The following GSTCD variants were observed in gnomAD, a reference collection of about 807,000 sequenced individuals.
GSTCD encodes the protein glutathione S-transferase C-terminal domain containing.
GSTCD carries 44 observed loss-of-function variants against 68.3 expected under a neutral mutation model. The observed-to-expected ratio is 0.64, with a 90% CI of 0.51 to 0.83. The LOEUF is 0.83. Among genes scored for constraint, GSTCD ranks in the 40% least tolerant of loss-of-function variants. GSTCD has a pLI of 0.00. For synonymous variants in GSTCD, 273 were observed against 255.2 expected, an observed-to-expected ratio of 1.07 and a Z score of -0.67; for missense variants, 739 against 735.9, an observed-to-expected ratio of 1.00 and a Z score of -0.05.
intron 5 of GSTCD, among the ~76,000 whole-genome samples, chr4:105,796,275 A>T (rs774697211): frequency 3.3e-5 from 5 of 152,210 alleles, no homozygotes. Flanking sequence ...TTTATTCACC[A>T]TTGTGAGAAC....
intron 7 of GSTCD, among the ~76,000 whole-genome samples, chr4:105,824,040 T>TG (rs1211536148): frequency 6.6e-6 from 1 of 152,180 alleles, no homozygotes; most frequent in Non-Finnish European, 1.5e-5. Context: ...ATTCTGTTTG[T>TG]TTTTGTTTTG....
intron 5 of GSTCD, among the ~76,000 whole-genome samples, chr4:105,763,182 GTC>G (rs1386619419): frequency 6.6e-6 from 1 of 152,086 alleles, no homozygotes; most frequent in East Asian, 1.9e-4. Context: ...CTAGAAATTT[GTC>G]TGTTATGAAC....
intron 5 of GSTCD, among the ~76,000 whole-genome samples, chr4:105,767,057 T>C (rs1560819071): frequency 1.3e-5 from 2 of 151,966 alleles, no homozygotes; most frequent in Non-Finnish European, 2.9e-5. Flanking sequence ...GAACAGAATA[T>C]GTTGAGAGTG....
intron 5 of GSTCD, among the ~76,000 whole-genome samples, chr4:105,745,692 G>C (rs1733776079): frequency 6.6e-6 from 1 of 152,130 alleles, no homozygotes; most frequent in South Asian, 2.1e-4. Context: ...GGCCCTCTCT[G>C]TTCTCCAGTA....
intron 5 of GSTCD, among the ~76,000 whole-genome samples, chr4:105,742,385 T>G (rs1733658546): frequency 6.6e-6 from 1 of 152,210 alleles, no homozygotes; most frequent in East Asian, 1.9e-4. Context: ...TACTTGTCTT[T>G]TAAGGATCAA....
chr4:105,747,170 A>G (rs1267662376), intron 5 of GSTCD, among the ~76,000 whole-genome samples: 8 of 152,252 alleles, frequency 5.3e-5, no homozygotes, highest in Non-Finnish European at 2.9e-5. Flanking sequence ...AGGGATGCTA[A>G]AAGTTCACCA....
chr4:105,800,785 C>T (rs1034741106), intron 5 of GSTCD, among the ~76,000 whole-genome samples: 2 of 152,152 alleles, frequency 1.3e-5, no homozygotes, highest in Non-Finnish European at 2.9e-5. Context: ...TACTGAACCA[C>T]TGCTCCTGGG....
chr4:105,837,480 T>C (rs1035932562), intron 9 of GSTCD, among the ~76,000 whole-genome samples: 12 of 152,178 alleles, frequency 7.9e-5, no homozygotes, highest in Non-Finnish European at 1.5e-5. Context: ...CCCCCTCTTC[T>C]TGGGGAACTG....
At chr4:105,734,260 T>C (rs936983712) in intron 5 of GSTCD, among the ~76,000 whole-genome samples, 1 of 152,234 alleles carries the variant, frequency 6.6e-6, no homozygotes, top group Non-Finnish European at 1.5e-5. Flanking sequence ...GAAGTTCTCC[T>C]GGATAATATC....
intron 5 of GSTCD, among the ~76,000 whole-genome samples, chr4:105,813,512 A>C (rs774501385): frequency 6.6e-6 from 1 of 152,240 alleles, no homozygotes. Context: ...ATGTGTTTAC[A>C]CTTGAGACCC....
At chr4:105,753,009 A>G (rs1363027305) in intron 5 of GSTCD, among the ~76,000 whole-genome samples, 1 of 152,062 alleles carries the variant, frequency 6.6e-6, no homozygotes, top group Non-Finnish European at 1.5e-5. Flanking sequence ...CTATATTTCT[A>G]GCAGCATCTG....
At chr4:105,717,507 G>C in intron 1 of GSTCD, 86 bp from the exon 2 acceptor site, 1 of 871,012 alleles carries the variant, frequency 1.1e-6, no homozygotes, top group Non-Finnish European at 1.7e-6. Flanking sequence ...CTGATTTCTA[G>C]AACAGGCTTT....
chr4:105,834,413 T>A, intron 8 of GSTCD, 48 bp from the exon 9 acceptor site: 1 of 1,588,876 alleles, frequency 6.3e-7, no homozygotes, highest in Non-Finnish European at 8.6e-7. Flanking sequence ...AAAATTGCAC[T>A]GTGAGTTAAG....
At chr4:105,810,859 A>C (rs1045097858) in intron 5 of GSTCD, among the ~76,000 whole-genome samples, 1 of 152,092 alleles carries the variant, frequency 6.6e-6, no homozygotes, top group Admixed American at 6.6e-5. Context: ...ATTTTAAGTA[A>C]TTTCTGGAGG....
chr4:105,829,203 A>G (rs1298088772), intron 8 of GSTCD, among the ~76,000 whole-genome samples: 5 of 151,718 alleles, frequency 3.3e-5, no homozygotes, highest in East Asian at 1.9e-4. Flanking sequence ...AAAAAAAAAA[A>G]AAAAGAAAGG....
At chr4:105,804,762 G>GCATCAATTAGCTATTTTTC (rs1722402855) in intron 5 of GSTCD, among the ~76,000 whole-genome samples, 1 of 152,032 alleles carries the variant, frequency 6.6e-6, no homozygotes, top group Admixed American at 6.6e-5. Flanking sequence ...ATTAAGCCGA[G>GCATCAATTAGCTATTTTTC]CATCAATTAG....
intron 5 of GSTCD, among the ~76,000 whole-genome samples, chr4:105,788,491 A>C (rs971848167): frequency 6.6e-6 from 1 of 152,018 alleles, no homozygotes; most frequent in Non-Finnish European, 1.5e-5. Flanking sequence ...TTTGTTTCCT[A>C]CTTAACCCAT....
At chr4:105,721,613 G>A (rs1732860237) in intron 3 of GSTCD, among the ~76,000 whole-genome samples, 1 of 151,918 alleles carries the variant, frequency 6.6e-6, no homozygotes, top group Admixed American at 6.6e-5. Flanking sequence ...ACCAAAGATG[G>A]AAAACAATAA....
At chr4:105,761,523 T>A (rs1283557608) in intron 5 of GSTCD, 4 of 152,132 alleles carry the variant, frequency 2.6e-5, no homozygotes, top group Non-Finnish European at 5.9e-5. Context: ...TTTACTATAT[T>A]TATTAAATAT....
Sources: allele counts gnomAD v4.1 joint callset (sites outside exome capture counted in the v4.1 genomes callset), GRCh38; gene constraint gnomAD v4.1.1; transcripts MANE v1.5; gene names NCBI Gene and HGNC (gene_info 2026-07-23, HGNC 2026-07-21).